The following MXD4 variants were observed in gnomAD, a reference collection of about 807,000 sequenced individuals.
MXD4 encodes Mad4 homolog.
In MXD4, 16 loss-of-function variants were observed where a neutral mutation model predicts 24.5. That is an observed-to-expected ratio of 0.65 (90% CI 0.44 to 0.99). The LOEUF is 0.99. Among genes scored for constraint, MXD4 ranks in the 50% least tolerant of loss-of-function variants. The pLI is 0.00. For missense variants in MXD4, 301 were observed against 301.5 expected, an observed-to-expected ratio of 1.00 and a Z score of 0.01; for synonymous variants, 164 against 134.2, an observed-to-expected ratio of 1.22 and a Z score of -1.54.
At chr4:2,260,720 G>A (rs1735522502) in intron 2 of MXD4, 1 of 399,030 alleles carries the variant, frequency 2.5e-6, no homozygotes, top group Non-Finnish European at 5.1e-6. Context: ...CCACAGAAAT[G>A]GGTCCCTACA....
At position 2,261,992 on chromosome 4, in the gene MXD4, CG is replaced by C; in HGVS notation, c.-13del. 7.7e-7 allele frequency: 1 copy of C among 1,296,690 alleles called. No homozygotes were observed. Among genetic ancestry groups the C allele is most frequent in the Non-Finnish European group, 9.8e-7 (1 of 1,015,252 alleles). The allele number at this position is 1,296,690 out of a possible 1,614,324, so 80.3% of individuals were successfully genotyped here. ...GAGTTCAGCTCCATCCTCCCGCCCGCGCCCGTCCGCCCCGGGACGGCGGCGG... is the reference window on the plus strand; with the variant it reads ...GAGTTCAGCTCCATCCTCCCGCCCGCCCCGTCCGCCCCGGGACGGCGGCGG... On this transcript the variant is annotated 5_prime_UTR_variant, in exon 1 of 6. Transcript: ENST00000337190.
Position 2,247,963 on chromosome 4 carries a change from C to T in MXD4, c.*2581G>A, listed in dbSNP as rs1354041804. On this transcript the variant is annotated 3_prime_UTR_variant, in exon 6 of 6. Coordinates refer to ENST00000337190, the MANE Select transcript of MXD4 (RefSeq NM_006454.3). ...AAGGCTGGGGAACCCAAGCCTGAGT[C>T]TGGGTGCTCAGTGGCCGAGAGCACT... is the stretch of plus-strand genomic sequence containing the variant. 1 of 152,440 alleles carries T rather than the reference C, an allele frequency of 6.6e-6. No individual in the cohort carries two copies. The highest frequency in any genetic ancestry group is 2.4e-5 in the African/African-American group (1 of 41,472). 9.4% of individuals were successfully genotyped at this position (152,440 alleles called of 1,614,324 possible).
Position 2,258,009 on chromosome 4 carries a change from G to T in MXD4, c.167C>A (p.Ser56Tyr). ...GTGCTTTTCTAGCTCGTTGTGTGAAGACCTGTTTAGAAAGACAGAAAGACA... is the reference window on the plus strand; with the variant it reads ...GTGCTTTTCTAGCTCGTTGTGTGAATACCTGTTTAGAAAGACAGAAAGACA... ...GLVRKAPNNR[S>Y]SHNELEKHRR... is the part of the protein sequence containing the mutation. The change falls in exon 3 of 6, where the codon TCT becomes TAT. Residue 56 changes from serine to tyrosine, a missense_variant and splice_region_variant. Coordinates refer to ENST00000337190, the MANE Select transcript of MXD4 (RefSeq NM_006454.3). 2 of 1,613,676 alleles carry T rather than the reference G, an allele frequency of 1.2e-6. No homozygotes were observed. The highest frequency in any genetic ancestry group is 1.7e-4 in the Middle Eastern group (1 of 6,060).
chr4:2,256,862 C>G (rs923597124), intron 3 of MXD4, among the ~76,000 whole-genome samples: 44 of 152,158 alleles, frequency 2.9e-4, no homozygotes, highest in African/African-American at 1.0e-3. Context: ...CTCCCAGGGA[C>G]CGCCTCCAGG....
At position 2,261,737 on chromosome 4, in the gene MXD4, G is replaced by A. The variant is rs1319777742; in HGVS notation, c.152C>T (p.Ala51Val). ...CGGGGGGCGGTACCTGTTGTTCGGG[G>A]CCTTGCGCACCAGGCCGGCCGCCTT... is the stretch of plus-strand genomic sequence containing the variant. ...KTKAAGLVRK[A>V]PNNRSSHNEL... is the part of the protein sequence containing the mutation. Residue 51 changes from alanine to valine, a missense_variant, in exon 2 of 6, where the codon GCC becomes GTC. Ala to Val is a moderately conservative substitution (Grantham distance 64). Transcript: ENST00000337190. 7.1e-6 allele frequency: 10 copies of A among 1,413,068 alleles called. No homozygotes were observed. The highest frequency in any genetic ancestry group is 5.0e-4 in the Middle Eastern group (2 of 3,976). The allele number at this position is 1,413,068 out of a possible 1,614,324, so 87.5% of individuals were successfully genotyped here. A position where few individuals can be genotyped will look rare whatever the true frequency, so the allele number is the denominator to read the frequency against.
rs1735553468 is a variant in MXD4, at chr4:2,261,790, GA to G, written c.98del (p.Phe33SerfsTer29). The G allele has an allele frequency of 2.1e-6, 3 of 1,429,640 alleles. No individual in the cohort carries two copies. Among genetic ancestry groups the G allele is most frequent in the African/African-American group, 1.5e-5 (1 of 66,964 alleles). 88.6% of individuals were successfully genotyped at this position (1,429,640 alleles called of 1,614,324 possible). A position where few individuals can be genotyped will look rare whatever the true frequency, so the allele number is the denominator to read the frequency against. ...TTTTCTCCCTGGCGAAGTCGCCGTC[GA>G]AGGGCAGCACCGAGGCGTAGCCGTG... is the stretch of plus-strand genomic sequence containing the variant. ...AEHGYASVLP[F>X]DGDFAREKTK... On this transcript the variant is annotated frameshift_variant, in exon 2 of 6. Transcript: ENST00000337190. LOFTEE classifies it high-confidence loss of function.
chr4:2,251,699 T>A (rs925132598), intron 4 of MXD4, among the ~76,000 whole-genome samples: 1 of 152,144 alleles, frequency 6.6e-6, no homozygotes, highest in African/African-American at 2.4e-5. Context: ...TGCCCTGCCC[T>A]CTCTAAACCT....
At chr4:2,251,663 T>C (rs1735325855) in intron 4 of MXD4, among the ~76,000 whole-genome samples, 2 of 152,226 alleles carry the variant, frequency 1.3e-5, no homozygotes, top group Non-Finnish European at 2.9e-5. Context: ...CTGTGGCCTA[T>C]GCCATGCCTG....
chr4:2,261,895 C>A, intron 1 of MXD4, 22 bp downstream of exon 1: 2 of 1,433,130 alleles, frequency 1.4e-6, no homozygotes, highest in Non-Finnish European at 9.1e-7. Flanking sequence ...GCCGCGGGCG[C>A]ACAATGGGGT....
At chr4:2,255,139 G>A (rs1735401078) in intron 3 of MXD4, 2 of 376,166 alleles carry the variant, frequency 5.3e-6, no homozygotes, top group Admixed American at 3.2e-5. Flanking sequence ...CCCTGACGCA[G>A]GCGGACAGGA....
At chr4:2,258,918 C>G (rs1181571160) in intron 2 of MXD4, 2 of 455,992 alleles carry the variant, frequency 4.4e-6, no homozygotes, top group African/African-American at 4.0e-5. Flanking sequence ...GCACACAATT[C>G]CCAGCACCAC....
At position 2,249,594 on chromosome 4, in the gene MXD4, A is replaced by G. The variant is rs1036350081; in HGVS notation, c.*950T>C. On this transcript the variant is annotated 3_prime_UTR_variant, in exon 6 of 6. Coordinates refer to ENST00000337190, the MANE Select transcript of MXD4 (RefSeq NM_006454.3). ...ATTTTACTTTTTTGCTTTTTGTTTA[A>G]AAAAGGGAGATGAGTAAGCCCCCGA... The G allele has an allele frequency of 6.6e-6, 1 of 151,998 alleles. No individual in the cohort carries two copies. Among genetic ancestry groups the G allele is most frequent in the African/African-American group, 2.4e-5 (1 of 41,368 alleles). The allele number at this position is 151,998 out of a possible 1,614,324, so 9.4% of individuals were successfully genotyped here. A position where few individuals can be genotyped will look rare whatever the true frequency, so the allele number is the denominator to read the frequency against.
chr4:2,255,353 T>C, intron 3 of MXD4: 1 of 456,234 alleles, frequency 2.2e-6, no homozygotes, highest in South Asian at 1.5e-5. Context: ...ACGGAACACC[T>C]TTCTCGAGAG....
At chr4:2,260,580 A>G (rs1383657857) in intron 2 of MXD4, 1 of 455,434 alleles carries the variant, frequency 2.2e-6, no homozygotes, top group Non-Finnish European at 4.4e-6. Context: ...GGCCTGAGGC[A>G]ATGGTTCCCT....
At position 2,261,718 on chromosome 4, in the gene MXD4, G is replaced by T. The variant is rs780519310; in HGVS notation, c.164+7C>A. 5 of 1,367,790 alleles carry T rather than the reference G, an allele frequency of 3.7e-6. No homozygotes were observed. The highest frequency in any genetic ancestry group is 5.4e-5 in the Admixed American group (2 of 37,010). 84.7% of individuals were successfully genotyped at this position (1,367,790 alleles called of 1,614,324 possible). A position where few individuals can be genotyped will look rare whatever the true frequency, so the allele number is the denominator to read the frequency against. ...GGCCGGGCGGGGTCGGGAGCGGGGG[G>T]CGGTACCTGTTGTTCGGGGCCTTGC... On this transcript the variant is annotated splice_region_variant and intron_variant, in intron 2 of 5. Coordinates refer to ENST00000337190, the MANE Select transcript of MXD4 (RefSeq NM_006454.3).
Position 2,261,790 on chromosome 4 carries a change from G to A in MXD4, c.99C>T (p.Phe33=), listed in dbSNP as rs1281661114. ...AEHGYASVLP[F]DGDFAREKTK... The stretch of plus-strand genomic sequence containing the variant: ...TTTTCTCCCTGGCGAAGTCGCCGTC[G>A]AAGGGCAGCACCGAGGCGTAGCCGT... The change falls in exon 2 of 6, where the codon TTC becomes TTT. Residue 33 remains phenylalanine, a synonymous_variant. Transcript: ENST00000337190. 8 of 1,429,648 alleles carry A rather than the reference G, an allele frequency of 5.6e-6. No homozygotes were observed. The highest frequency in any genetic ancestry group is 2.4e-5 in the Admixed American group (1 of 41,994). The allele number at this position is 1,429,648 out of a possible 1,614,324, so 88.6% of individuals were successfully genotyped here. A position where few individuals can be genotyped will look rare whatever the true frequency, so the allele number is the denominator to read the frequency against.
At chr4:2,257,594 C>T (rs1041055881) in intron 3 of MXD4, among the ~76,000 whole-genome samples, 1 of 152,256 alleles carries the variant, frequency 6.6e-6, no homozygotes, top group Middle Eastern at 3.2e-3. Flanking sequence ...GCCCCTCGGA[C>T]AAGACTCTAG....
At chr4:2,257,904 G>C (rs915356840) in intron 3 of MXD4, 78 bp downstream of exon 3, 26 of 1,582,756 alleles carry the variant, frequency 1.6e-5, no homozygotes, top group Non-Finnish European at 2.3e-5. Context: ...GACAGGGGCA[G>C]GCTCAACGCA....
rs1012950578 is a variant in MXD4, at chr4:2,248,238, G to A, written c.*2306C>T. The A allele has an allele frequency of 1.3e-5, 2 of 152,538 alleles. No homozygotes were observed. The highest frequency in any genetic ancestry group is 4.8e-5 in the African/African-American group (2 of 41,462). The allele number at this position is 152,538 out of a possible 1,614,324, so 9.4% of individuals were successfully genotyped here. A position where few individuals can be genotyped will look rare whatever the true frequency, so the allele number is the denominator to read the frequency against. On this transcript the variant is annotated 3_prime_UTR_variant, in exon 6 of 6. Transcript: ENST00000337190. ...GGGGCAGCTGAACAGCACCCCGGGTGGCTGAGACTGCCTCCCAGTCCACGT... is the reference window on the plus strand; with the variant it reads ...GGGGCAGCTGAACAGCACCCCGGGTAGCTGAGACTGCCTCCCAGTCCACGT...
Sources: allele counts gnomAD v4.1 joint callset (sites outside exome capture counted in the v4.1 genomes callset), GRCh38; gene constraint gnomAD v4.1.1; transcripts MANE v1.5; gene names NCBI Gene and HGNC (gene_info 2026-07-23, HGNC 2026-07-21).